Variants in FBXL7 observed in about 807,000 individuals in gnomAD.
FBXL7 encodes F-box/LRR-repeat protein 7.
A neutral mutation model predicts 38.3 loss-of-function variants in FBXL7; 12 were observed. That is an observed-to-expected ratio of 0.31 (90% CI 0.20 to 0.51). The LOEUF is 0.51. Ranked by LOEUF, FBXL7 falls within the 20% of genes least tolerant of loss-of-function variation. The pLI, the probability that FBXL7 is intolerant of heterozygous loss-of-function variation, is 0.98. For synonymous variants in FBXL7, 297 were observed against 300.9 expected (o/e 0.99, Z 0.13); for missense variants, 567 against 676.4 (o/e 0.84, Z 1.79).
At chr5:15,742,924 G>A (rs1735928652) in intron 2 of FBXL7, among the ~76,000 whole-genome samples, 1 of 152,024 alleles carries the variant, frequency 6.6e-6, no homozygotes, top group Admixed American at 6.6e-5. Flanking sequence ...GTGAAGCGAG[G>A]GAAAAACCCC....
chr5:15,752,533 G>C (rs1009700835), intron 2 of FBXL7, among the ~76,000 whole-genome samples: 1 of 152,064 alleles, frequency 6.6e-6, no homozygotes, highest in Non-Finnish European at 1.5e-5. Context: ...TTTATCCCAA[G>C]CCATTGGATT....
intron 2 of FBXL7, among the ~76,000 whole-genome samples, chr5:15,765,124 CA>C (rs1028915273): frequency 6.6e-6 from 1 of 151,944 alleles, no homozygotes; most frequent in Non-Finnish European, 1.5e-5. Flanking sequence ...ACCAATTTTT[CA>C]AAAAATGTTC....
intron 2 of FBXL7, among the ~76,000 whole-genome samples, chr5:15,878,481 A>G (rs1343752314): frequency 2.0e-5 from 3 of 152,174 alleles, no homozygotes; most frequent in Non-Finnish European, 2.9e-5. Context: ...TTTAATCTTC[A>G]TAGCCCAGGA....
At chr5:15,710,611 A>C (rs545973376) in intron 2 of FBXL7, among the ~76,000 whole-genome samples, 1 of 152,314 alleles carries the variant, frequency 6.6e-6, no homozygotes, top group East Asian at 1.9e-4. Flanking sequence ...AAGCTCCATG[A>C]ATGCATGCAT....
chr5:15,888,615 G>A (rs1488003737), intron 2 of FBXL7, among the ~76,000 whole-genome samples: 1 of 151,694 alleles, frequency 6.6e-6, no homozygotes, highest in African/African-American at 2.4e-5. Context: ...TAAACCATGT[G>A]AGTACTTCAG....
intron 2 of FBXL7, among the ~76,000 whole-genome samples, chr5:15,767,069 T>A (rs370692591): frequency 7.2e-5 from 11 of 152,294 alleles, no homozygotes; most frequent in African/African-American, 2.4e-4. Flanking sequence ...TAGGCAAACA[T>A]GTGCCATGGT....
In FBXL7 at chr5:15,500,440, T is replaced by G; in HGVS notation, c.-237T>G. ...GCGCCCGCCGGCCCCCAGCGCGGATTGTAAGTGCTGCAGCTGTGCCCGGCC... is the reference window on the plus strand; with the variant it reads ...GCGCCCGCCGGCCCCCAGCGCGGATGGTAAGTGCTGCAGCTGTGCCCGGCC... On this transcript the variant is annotated 5_prime_UTR_variant, in exon 1 of 4. The change creates a new upstream start codon in the 5' untranslated region. Coordinates refer to ENST00000504595, the MANE Select transcript of FBXL7 (RefSeq NM_012304.5). The G allele has an allele frequency of 2.0e-6, 1 of 512,802 alleles. No individual in the cohort carries two copies. The highest frequency in any genetic ancestry group is 2.1e-5 in the African/African-American group (1 of 48,380). The allele number at this position is 512,802 out of a possible 1,614,324, so 31.8% of individuals were successfully genotyped here.
intron 2 of FBXL7, among the ~76,000 whole-genome samples, chr5:15,750,075 T>C (rs1222160156): frequency 6.6e-6 from 1 of 152,156 alleles, no homozygotes; most frequent in Non-Finnish European, 1.5e-5. Flanking sequence ...TTCTGTTTCG[T>C]TTTTATTTAC....
intron 2 of FBXL7, among the ~76,000 whole-genome samples, chr5:15,845,661 TA>T (rs1738875484): frequency 1.3e-5 from 2 of 152,222 alleles, no homozygotes. Context: ...AAAGATTATT[TA>T]TTACAAAATT....
chr5:15,666,696 G>T (rs1742291570), intron 2 of FBXL7, among the ~76,000 whole-genome samples: 1 of 152,144 alleles, frequency 6.6e-6, no homozygotes, highest in Non-Finnish European at 1.5e-5. Flanking sequence ...TTTAGCCTGA[G>T]GCAGAAAACT....
intron 2 of FBXL7, among the ~76,000 whole-genome samples, chr5:15,817,726 C>T (rs1245101888): frequency 6.6e-6 from 1 of 152,196 alleles, no homozygotes; most frequent in Admixed American, 6.5e-5. Context: ...TAAAACATGC[C>T]TTTGCACCTC....
At chr5:15,619,098 C>G (rs1169162936) in intron 2 of FBXL7, among the ~76,000 whole-genome samples, 1 of 152,148 alleles carries the variant, frequency 6.6e-6, no homozygotes, top group Non-Finnish European at 1.5e-5. Context: ...TGCGCGGAGC[C>G]CTCTTTACCC....
chr5:15,519,469 CAAA>C (rs946903390), intron 1 of FBXL7, among the ~76,000 whole-genome samples: 5 of 148,192 alleles, frequency 3.4e-5, no homozygotes, highest in African/African-American at 1.3e-4. Context: ...AACAAACAAA[CAAA>C]AAAAACTTGT....
chr5:15,740,144 A>C (rs1735857464), intron 2 of FBXL7, among the ~76,000 whole-genome samples: 1 of 152,196 alleles, frequency 6.6e-6, no homozygotes, highest in Admixed American at 6.5e-5. Flanking sequence ...AAGTATGGGA[A>C]GAATACCCCA....
intron 2 of FBXL7, among the ~76,000 whole-genome samples, chr5:15,706,793 C>T (rs1483116090): frequency 1.3e-5 from 2 of 152,032 alleles, no homozygotes; most frequent in African/African-American, 4.8e-5. Context: ...TGCTTTTTAC[C>T]AAAGTGGAAA....
chr5:15,503,883 T>C (rs1736569843), intron 1 of FBXL7, among the ~76,000 whole-genome samples: 2 of 152,372 alleles, frequency 1.3e-5, no homozygotes, highest in African/African-American at 4.8e-5. Context: ...GTTGAATTAT[T>C]AGAACTTTTA....
At chr5:15,813,998 C>T (rs1737940039) in intron 2 of FBXL7, among the ~76,000 whole-genome samples, 1 of 152,132 alleles carries the variant, frequency 6.6e-6, no homozygotes, top group South Asian at 2.1e-4. Context: ...ATTAGTTCAG[C>T]CATTGTGGAA....
intron 2 of FBXL7, among the ~76,000 whole-genome samples, chr5:15,791,308 G>C (rs1737271536): frequency 6.6e-6 from 1 of 152,116 alleles, no homozygotes; most frequent in Non-Finnish European, 1.5e-5. Flanking sequence ...TAATTCTGTG[G>C]TTCTTTGTTT....
chr5:15,634,880 C>T (rs1192052626), intron 2 of FBXL7, among the ~76,000 whole-genome samples: 1 of 152,114 alleles, frequency 6.6e-6, no homozygotes, highest in Non-Finnish European at 1.5e-5. Context: ...TCTGACTCTC[C>T]TCCTTCTCAT....
Sources: allele counts gnomAD v4.1 joint callset (sites outside exome capture counted in the v4.1 genomes callset), GRCh38; gene constraint gnomAD v4.1.1; transcripts MANE v1.5; gene names NCBI Gene and HGNC (gene_info 2026-07-23, HGNC 2026-07-21).